Variants in ZNF704 observed in about 807,000 individuals in gnomAD.
ZNF704 encodes glucocorticoid induced gene 1.
Under a neutral mutation model 44.7 loss-of-function variants are expected in ZNF704, and 10 were observed. The observed-to-expected ratio is 0.22, with a 90% CI of 0.14 to 0.38. The LOEUF (loss-of-function observed/expected upper bound fraction) is 0.38, where lower values mean the gene tolerates loss of function less well. ZNF704 is among the 10% of genes least tolerant of loss of function. The pLI, the probability that ZNF704 is intolerant of heterozygous loss-of-function variation, is 1.00. For synonymous variants in ZNF704, 211 were observed against 207.6 expected (o/e 1.02, Z -0.14); for missense variants, 390 against 545.5 (o/e 0.71, Z 2.84).
intron 2 of ZNF704, among the ~76,000 whole-genome samples, chr8:80,787,699 A>G (rs1807638546): frequency 6.6e-6 from 1 of 152,150 alleles, no homozygotes; most frequent in Non-Finnish European, 1.5e-5. Flanking sequence ...CAATAATCAC[A>G]GCTCAGTTCC....
At chr8:80,793,796 T>C (rs759204608) in intron 2 of ZNF704, among the ~76,000 whole-genome samples, 9 of 152,212 alleles carry the variant, frequency 5.9e-5, no homozygotes, top group Non-Finnish European at 1.3e-4. Context: ...ATTAATTTTA[T>C]TGACCACTCT....
chr8:80,835,462 G>T (rs1450142267), intron 1 of ZNF704, among the ~76,000 whole-genome samples: 1 of 152,172 alleles, frequency 6.6e-6, no homozygotes, highest in Non-Finnish European at 1.5e-5. Context: ...AAGGGGGAAA[G>T]TAGGCTGGAG....
intron 2 of ZNF704, among the ~76,000 whole-genome samples, chr8:80,774,591 CA>C (rs1290216118): frequency 2.0e-5 from 3 of 152,082 alleles, no homozygotes; most frequent in African/African-American, 4.8e-5. Context: ...AATTACTGCC[CA>C]GGGGGGATAA....
At chr8:80,678,280 T>A (rs1818401154) in intron 4 of ZNF704, among the ~76,000 whole-genome samples, 1 of 152,240 alleles carries the variant, frequency 6.6e-6, no homozygotes. Flanking sequence ...GACTGTCAAC[T>A]GTTTTGGAGG....
chr8:80,838,584 G>A (rs1222535316), intron 1 of ZNF704, among the ~76,000 whole-genome samples: 1 of 151,336 alleles, frequency 6.6e-6, no homozygotes, highest in Non-Finnish European at 1.5e-5. Context: ...AGGAAAAGGG[G>A]GGAGGAGGGG....
At chr8:80,787,188 G>C (rs1807628911) in intron 2 of ZNF704, among the ~76,000 whole-genome samples, 1 of 152,200 alleles carries the variant, frequency 6.6e-6, no homozygotes, top group African/African-American at 2.4e-5. Context: ...AAGCATCTGG[G>C]ATACCATCCA....
At chr8:80,774,851 A>G (rs765083623) in intron 2 of ZNF704, among the ~76,000 whole-genome samples, 3 of 152,290 alleles carry the variant, frequency 2.0e-5, no homozygotes, top group South Asian at 4.1e-4. Flanking sequence ...AGCTTTGTCT[A>G]TGCTGTTGAC....
intron 1 of ZNF704, among the ~76,000 whole-genome samples, chr8:80,841,313 A>G (rs1428486564): frequency 6.6e-6 from 1 of 152,258 alleles, no homozygotes; most frequent in Non-Finnish European, 1.5e-5. Context: ...TTTAGGCCAC[A>G]GCAGCACAGG....
chr8:80,812,250 G>A, intron 2 of ZNF704: 1 of 156,356 alleles, frequency 6.4e-6, no homozygotes. Flanking sequence ...TTTCCTTTTA[G>A]TTTGAAATGC....
chr8:80,812,291 C>T (rs1484584855), intron 2 of ZNF704: 1 of 174,904 alleles, frequency 5.7e-6, no homozygotes, highest in African/African-American at 2.4e-5. Flanking sequence ...TTTTCTGCAG[C>T]TTTGCAGCCT....
chr8:80,764,008 G>C (rs1374953039), intron 2 of ZNF704, among the ~76,000 whole-genome samples: 2 of 152,172 alleles, frequency 1.3e-5, no homozygotes, highest in East Asian at 1.9e-4. Flanking sequence ...GTCCACATCA[G>C]TATCAGCATT....
chr8:80,874,119 C>T lies in ZNF704; in HGVS notation c.-22+452G>A, dbSNP rs1809314116. Among the ~76,000 whole-genome samples, 1 of 146,928 alleles carries T rather than the reference C, an allele frequency of 6.8e-6. No homozygotes were observed. The highest frequency in any genetic ancestry group is 2.1e-4 in the South Asian group (1 of 4,812). On this transcript the variant is annotated intron_variant, in intron 1 of 8. Transcript: ENST00000327835. The surrounding 1 kb of genome is among the most constrained non-coding windows in gnomAD (Gnocchi z 4.4). Reference sequence around the variant, plus strand: ...CCTCCTCTTCCTCCTCTGCCTCCGCCGGTGGCCGCAGGGCCGGGGACTCGC... The same window carrying T: ...CCTCCTCTTCCTCCTCTGCCTCCGCTGGTGGCCGCAGGGCCGGGGACTCGC...
At chr8:80,665,685 G>A (rs918752728) in intron 5 of ZNF704, among the ~76,000 whole-genome samples, 1 of 151,938 alleles carries the variant, frequency 6.6e-6, no homozygotes, top group Non-Finnish European at 1.5e-5. Flanking sequence ...TCTGAAAACA[G>A]AGATTTAAAA....
chr8:80,770,604 CT>C (rs1807303608), intron 2 of ZNF704, among the ~76,000 whole-genome samples: 1 of 152,020 alleles, frequency 6.6e-6, no homozygotes, highest in Non-Finnish European at 1.5e-5. Flanking sequence ...GATACTAGTC[CT>C]TTGTTAGGTA....
intron 2 of ZNF704, among the ~76,000 whole-genome samples, chr8:80,768,604 A>G (rs1387586153): frequency 6.6e-6 from 1 of 152,200 alleles, no homozygotes; most frequent in African/African-American, 2.4e-5. Context: ...CAAAGCCCAG[A>G]TTTTCTTTGT....
At chr8:80,775,169 C>T (rs1173728854) in intron 2 of ZNF704, among the ~76,000 whole-genome samples, 2 of 152,168 alleles carry the variant, frequency 1.3e-5, no homozygotes, top group African/African-American at 2.4e-5. Context: ...TGGATCCCAA[C>T]AAAGTAGTTG....
At chr8:80,643,247 C>T (rs963057508) in intron 7 of ZNF704, 118 bp from the exon 8 acceptor site, 11 of 599,208 alleles carry the variant, frequency 1.8e-5, no homozygotes, top group Admixed American at 1.1e-4. Context: ...AGGCCAGGCA[C>T]GGTGATTCAT....
upstream of ZNF704, among the ~76,000 whole-genome samples, chr8:80,878,257 G>A (rs779591183): frequency 4.1e-4 from 8 of 19,420 alleles, no homozygotes; most frequent in African/African-American, 8.4e-4. Context: ...AGAAAGAAAG[G>A]AAGGAAGGAA....
chr8:80,665,804 G>A lies in ZNF704; in HGVS notation c.660-722C>T, dbSNP rs1302294931. ...TGTTGTTAAGCAGGATTAGTAATGC[G>A]GGCACTATTTTATTTTATTTTATTT... On this transcript the variant is annotated intron_variant, in intron 5 of 8. Coordinates refer to ENST00000327835, the MANE Select transcript of ZNF704 (RefSeq NM_001033723.3). Among the ~76,000 whole-genome samples the A allele has an allele frequency of 9.2e-5, 14 of 151,596 alleles. No homozygotes were observed. The East Asian group carries it at 1.5e-3, about 17-fold the overall frequency.
Sources: gnomAD v4.1 joint callset for allele counts (sites outside exome capture counted in the v4.1 genomes callset) on GRCh38, gnomAD v4.1.1 for gene constraint, Gnocchi (gnomAD v3.1) non-coding constraint, MANE v1.5 for transcripts, NCBI Gene and HGNC (gene_info 2026-07-23, HGNC 2026-07-21) for gene names.